The following ZNF892 variants were observed in gnomAD, a reference collection of about 807,000 sequenced individuals.
ZNF892 encodes zinc finger protein 892, also known as zinc finger protein 570-like.
the ZNF892 span, among the ~76,000 whole-genome samples, chr2:95,249,343 C>T: frequency 3.6e-5 from 5 of 137,416 alleles, no homozygotes; most frequent in East Asian, 2.3e-4. Context: ...TGGGTTCAAG[C>T]GTTTCTCCTG....
chr2:95,209,066 G>A, the ZNF892 span, among the ~76,000 whole-genome samples: 3 of 152,268 alleles, frequency 2.0e-5, no homozygotes, highest in East Asian at 5.8e-4. Context: ...AGTTAAACAC[G>A]AAGAAATAGG....
At chr2:95,234,847 G>T in the ZNF892 span, among the ~76,000 whole-genome samples, 3 of 152,192 alleles carry the variant, frequency 2.0e-5, no homozygotes, top group African/African-American at 7.2e-5. Flanking sequence ...TTTTATTATC[G>T]TAATTTGCTG....
the ZNF892 span, among the ~76,000 whole-genome samples, chr2:95,243,067 G>A: frequency 6.6e-6 from 1 of 152,212 alleles, no homozygotes; most frequent in East Asian, 1.9e-4. Flanking sequence ...GGCCAGGCTG[G>A]TCTCCAGCTC....
the ZNF892 span, among the ~76,000 whole-genome samples, chr2:95,245,450 C>CGGGGGG: frequency 1.7e-4 from 2 of 11,678 alleles, no homozygotes; most frequent in African/African-American, 6.1e-4. Flanking sequence ...GTAGAGACGG[C>CGGGGGG]GGGGGGGGGG....
chr2:95,257,170 T>C, the ZNF892 span, among the ~76,000 whole-genome samples: 1 of 152,242 alleles, frequency 6.6e-6, no homozygotes, highest in Non-Finnish European at 1.5e-5. Flanking sequence ...ATTTTCAGTT[T>C]TTCTGCTGTT....
the ZNF892 span, among the ~76,000 whole-genome samples, chr2:95,208,272 T>C: frequency 6.6e-6 from 1 of 152,176 alleles, no homozygotes; most frequent in Non-Finnish European, 1.5e-5. Context: ...TGTATTAATA[T>C]CTGAAAAGTC....
chr2:95,262,603 A>G, the ZNF892 span, among the ~76,000 whole-genome samples: 4 of 152,196 alleles, frequency 2.6e-5, no homozygotes, highest in Non-Finnish European at 5.9e-5. Context: ...TTCTGCAGCC[A>G]TTTTGTTCCT....
chr2:95,206,432 G>C, the ZNF892 span, among the ~76,000 whole-genome samples: 2 of 152,204 alleles, frequency 1.3e-5, no homozygotes, highest in Non-Finnish European at 2.9e-5. Flanking sequence ...CCGAGGAAGG[G>C]AGTTGATTAA....
chr2:95,263,476 A>G, the ZNF892 span, among the ~76,000 whole-genome samples: 2 of 152,390 alleles, frequency 1.3e-5, no homozygotes, highest in South Asian at 4.1e-4. Context: ...GAAAATGAAT[A>G]CAGAAACCTG....
the ZNF892 span, among the ~76,000 whole-genome samples, chr2:95,210,528 G>T: frequency 5.9e-5 from 9 of 152,088 alleles, no homozygotes; most frequent in Admixed American, 2.0e-4. Context: ...CTAGATGAAG[G>T]TTAGGCTAAA....
chr2:95,250,156 T>G, the ZNF892 span, among the ~76,000 whole-genome samples: 1 of 152,130 alleles, frequency 6.6e-6, no homozygotes, highest in African/African-American at 2.4e-5. Flanking sequence ...TTTTCTTCGT[T>G]TTTCTTTTTA....
At chr2:95,244,145 A>G in the ZNF892 span, among the ~76,000 whole-genome samples, 2 of 150,796 alleles carry the variant, frequency 1.3e-5, no homozygotes, top group South Asian at 4.3e-4. Context: ...TGAAGGCAGC[A>G]TGCTCGTTAA....
chr2:95,220,762 A>C, the ZNF892 span, among the ~76,000 whole-genome samples: 1 of 152,232 alleles, frequency 6.6e-6, no homozygotes, highest in African/African-American at 2.4e-5. Context: ...TGCTTCATCT[A>C]GCTTTGAAGG....
the ZNF892 span, among the ~76,000 whole-genome samples, chr2:95,258,685 C>G: frequency 6.6e-6 from 1 of 152,146 alleles, no homozygotes; most frequent in African/African-American, 2.4e-5. Flanking sequence ...TGACTAGGCA[C>G]AACAGACACA....
chr2:95,243,804 G>T, the ZNF892 span, among the ~76,000 whole-genome samples: 1 of 152,252 alleles, frequency 6.6e-6, no homozygotes, highest in Non-Finnish European at 1.5e-5. Context: ...GGGAAGTGAG[G>T]AGCCCCTCTG....
chr2:95,228,256 T>C, the ZNF892 span, among the ~76,000 whole-genome samples: 1 of 151,802 alleles, frequency 6.6e-6, no homozygotes, highest in Non-Finnish European at 1.5e-5. Context: ...AATCTACACA[T>C]GTGTGATTTT....
the ZNF892 span, chr2:95,207,647 C>T: frequency 4.8e-5 from 19 of 395,042 alleles, no homozygotes; most frequent in African/African-American, 3.9e-4. Flanking sequence ...CTGAACGCAT[C>T]CCCTTTTAAT....
the ZNF892 span, among the ~76,000 whole-genome samples, chr2:95,234,053 C>T: frequency 5.7e-4 from 87 of 152,244 alleles, no homozygotes; most frequent in East Asian, 0.015. Context: ...GACGGAGTCT[C>T]GCTCTTGTTG....
the ZNF892 span, among the ~76,000 whole-genome samples, chr2:95,211,029 C>G: frequency 6.6e-6 from 1 of 151,976 alleles, no homozygotes; most frequent in Non-Finnish European, 1.5e-5. Context: ...CTGGGGGACG[C>G]GGGCAGATTG....
Sources: gnomAD v4.1 joint callset for allele counts (sites outside exome capture counted in the v4.1 genomes callset) on GRCh38, gnomAD v4.1.1 for gene constraint, MANE v1.5 for transcripts, NCBI Gene and HGNC (gene_info 2026-07-23, HGNC 2026-07-21) for gene names.